Variants in ANGPTL6 observed in about 807,000 individuals in gnomAD.
ANGPTL6 encodes the protein angiopoietin-related protein 6.
Under a neutral mutation model 47.4 loss-of-function variants are expected in ANGPTL6, and 45 were observed. The ratio of observed to expected loss-of-function variants is 0.95; its 90% CI spans 0.75 to 1.22. ANGPTL6 has a LOEUF of 1.22. Among genes scored for constraint, ANGPTL6 ranks in the 50% most tolerant of loss-of-function variants. The probability of loss-of-function intolerance (pLI) is 0.00; values close to 1 mark genes in which losing one functional copy is unlikely to be tolerated. For missense variants in ANGPTL6, 698 were observed against 669.4 expected, an observed-to-expected ratio of 1.04 and a Z score of -0.47; for synonymous variants, 290 against 295.9, an observed-to-expected ratio of 0.98 and a Z score of 0.20.
intron 1 of ANGPTL6, among the ~76,000 whole-genome samples, chr19:10,101,140 C>T (rs1456546555): frequency 6.6e-6 from 1 of 152,046 alleles, no homozygotes; most frequent in South Asian, 2.1e-4. Context: ...ACCCGGAAGG[C>T]AGAGGTTGCA....
At chr19:10,092,965 G>A in intron 5 of ANGPTL6, 186 bp from the exon 6 acceptor site, 1 of 528,722 alleles carries the variant, frequency 1.9e-6, no homozygotes, top group East Asian at 3.0e-5. Context: ...CAGAGTAATA[G>A]CCTTAATTCC....
rs370458288 is a variant in ANGPTL6 at position 10,094,216 on chromosome 19, G to A, written c.764-336C>T. Among the ~76,000 whole-genome samples the A allele has an allele frequency of 1.1e-4, 17 of 151,726 alleles. No individual in the cohort carries two copies. In the South Asian group the frequency reaches 2.3e-3, roughly 20 times the overall value. ...GGCTGGAGTGCAGTGGTGCGATCTC[G>A]GCTCACTGCAACCTCATCCTCCCAG... On this transcript the variant is annotated intron_variant, in intron 3 of 5. Transcript: ENST00000253109.
In ANGPTL6 at chr19:10,092,392, C is replaced by T. The variant is rs568782736; in HGVS notation, c.*197G>A. ...GAGCTCAAACCGAGATATGAATGAC[C>T]TTGGGGAGCCATCTGAGGCCAAGAT... On this transcript the variant is annotated 3_prime_UTR_variant, in exon 6 of 6. Coordinates refer to ENST00000253109, the MANE Select transcript of ANGPTL6 (RefSeq NM_031917.3). The T allele has an allele frequency of 5.9e-6, 9 of 1,522,996 alleles. No individual in the cohort carries two copies. In the East Asian group the frequency reaches 2.2e-4, roughly 37 times the overall value. 94.3% of individuals were successfully genotyped at this position (1,522,996 alleles called of 1,614,324 possible). A position where few individuals can be genotyped will look rare whatever the true frequency, so the allele number is the denominator to read the frequency against.
chr19:10,092,363 A>G lies in ANGPTL6; in HGVS notation c.*226T>C. ...TGTGGCTACTTTGTGTTATTATAAG[A>G]TATGAGCTCAAACCGAGATATGAAT... is the stretch of plus-strand genomic sequence containing the variant. On this transcript the variant is annotated 3_prime_UTR_variant, in exon 6 of 6. Coordinates refer to ENST00000253109, the MANE Select transcript of ANGPTL6 (RefSeq NM_031917.3). The G allele has an allele frequency of 6.5e-7, 1 of 1,540,166 alleles. No individual in the cohort carries two copies.
chr19:10,099,576 C>CA (rs34627650), intron 1 of ANGPTL6, among the ~76,000 whole-genome samples: 4,529 of 53,162 alleles, frequency 0.085, 265 homozygotes, highest in Non-Finnish European at 0.12. Flanking sequence ...GACTCCATCT[C>CA]AAAAAAAAAA....
At position 10,093,793 on chromosome 19, in the gene ANGPTL6, G is replaced by C. The variant is rs201622589; in HGVS notation, c.851C>G (p.Ser284Ter). Residue 284 changes from serine to a stop codon, truncating the protein, a stop_gained, in exon 4 of 6, where the codon TCA becomes TGA. Coordinates refer to ENST00000253109, the MANE Select transcript of ANGPTL6 (RefSeq NM_031917.3). LOFTEE classifies it high-confidence loss of function. ...CTCCAGTTGCTGCTCACACCATACT[G>C]ACACTACGTGACGGCCCACTCGCAG... ...YELRVGRHVV[S>*]VWCEQQLEGG... The C allele has an allele frequency of 6.3e-4, 1,017 of 1,613,960 alleles. 1 individual carries two copies. The highest frequency in any genetic ancestry group is 7.6e-4 in the Non-Finnish European group (901 of 1,180,056).
chr19:10,095,126 G>A (rs1376018970), intron 2 of ANGPTL6, among the ~76,000 whole-genome samples, 188 bp from the exon 3 acceptor site: 2 of 152,250 alleles, frequency 1.3e-5, no homozygotes, highest in African/African-American at 4.8e-5. Flanking sequence ...AGTGCAGACA[G>A]GCTGGGCGCT....
At position 10,093,453 on chromosome 19, in the gene ANGPTL6, T is replaced by C. The variant is rs201228440; in HGVS notation, c.1118A>G (p.Tyr373Cys). Residue 373 changes from tyrosine to cysteine, a missense_variant, in exon 5 of 6, where the codon TAC becomes TGC. Coordinates refer to ENST00000253109, the MANE Select transcript of ANGPTL6 (RefSeq NM_031917.3). ...ATGGTACTGGCCAAGCCGCAGGCGG[T>C]AGTGGTCGCTCTCGGGTTCCAGGGA... Reference protein sequence around the residue: ...GFSLEPESDHYRLRLGQYHGD... With the variant: ...GFSLEPESDHCRLRLGQYHGD... 3.6e-5 allele frequency: 58 copies of C among 1,614,092 alleles called. No homozygotes were observed. The East Asian group carries it at 1.2e-3, about 35-fold the overall frequency.
At chr19:10,105,448 G>A (rs1421596972), upstream of ANGPTL6, among the ~76,000 whole-genome samples, 1 of 152,190 alleles carries the variant, frequency 6.6e-6, no homozygotes, top group Non-Finnish European at 1.5e-5. Context: ...GAGATGGGAA[G>A]ATGGGGAGAG....
Position 10,093,586 on chromosome 19 carries a change from G to A in ANGPTL6, c.985C>T (p.Leu329=). The stretch of plus-strand genomic sequence containing the variant: ...AGCTGATACACGGGTTCAAGGCCCA[G>A]CCAGTATTCTCCGTCTGGCCGCCCA... The part of the protein sequence containing the change: ...GFGRPDGEYW[L]GLEPVYQLTS... The change falls in exon 5 of 6, where the codon CTG becomes TTG. Residue 329 remains leucine, a synonymous_variant. Transcript: ENST00000253109. The A allele has an allele frequency of 1.9e-6, 3 of 1,613,846 alleles. No homozygotes were observed. Among genetic ancestry groups the A allele is most frequent in the Non-Finnish European group, 2.5e-6 (3 of 1,179,880 alleles).
At chr19:10,104,084 A>AG (rs954416538), upstream of ANGPTL6, among the ~76,000 whole-genome samples, 1 of 149,952 alleles carries the variant, frequency 6.7e-6, no homozygotes, top group African/African-American at 2.4e-5. Flanking sequence ...TCTGTCTCAA[A>AG]AAAAAAAAAA....
At chr19:10,106,104 A>T (rs1257298445), upstream of ANGPTL6, 1 of 554,132 alleles carries the variant, frequency 1.8e-6, no homozygotes, top group Non-Finnish European at 3.2e-6. Context: ...CGGAATGCAG[A>T]AAGTGGTTTT....
upstream of ANGPTL6, among the ~76,000 whole-genome samples, chr19:10,103,949 C>T (rs1023498758): frequency 7.3e-5 from 11 of 151,258 alleles, no homozygotes; most frequent in Non-Finnish European, 1.6e-4. Flanking sequence ...AAAAATTTGC[C>T]GGGTGTGGTG....
intron 1 of ANGPTL6, among the ~76,000 whole-genome samples, chr19:10,097,983 C>T (rs1175598641): frequency 2.1e-5 from 3 of 140,362 alleles, no homozygotes; most frequent in Admixed American, 7.5e-5. Flanking sequence ...GACTGGGCAA[C>T]GTATCCAGAC....
In ANGPTL6 at chr19:10,093,498, CGT is replaced by C; in HGVS notation, c.1071_1072del (p.Arg358CysfsTer4). 6.2e-7 allele frequency: 1 copy of C among 1,614,202 alleles called. No individual in the cohort carries two copies. Among genetic ancestry groups the C allele is most frequent in the East Asian group, 2.2e-5 (1 of 44,886 alleles). ...CAGGGAGAAGCCATCATAGTGGGCACGTGCTCCACGGCCCCCCCAGTCCTCCA... is the reference window on the plus strand; with the variant it reads ...CAGGGAGAAGCCATCATAGTGGGCACGCTCCACGGCCCCCCCAGTCCTCCA... On this transcript the variant is annotated frameshift_variant, in exon 5 of 6. Transcript: ENST00000253109. LOFTEE classifies it high-confidence loss of function.
chr19:10,106,109 G>C (rs1439525796), upstream of ANGPTL6: 1 of 561,868 alleles, frequency 1.8e-6, no homozygotes, highest in Admixed American at 3.5e-5. Flanking sequence ...TGCAGAAAGT[G>C]GTTTTAGCCC....
Position 10,092,755 on chromosome 19 carries a change from C to T in ANGPTL6, c.1247G>A (p.Gly416Glu). ...GGCACAGGCATGGTACCACCAGCCT[C>T]CCCGCTGGTACAGGGCACAGTTACC... Reference protein sequence around the residue: ...YSGNCALYQRGGWWYHACAHS... With the variant: ...YSGNCALYQREGWWYHACAHS... The change falls in exon 6 of 6, where the codon GGA becomes GAA. Residue 416 changes from glycine to glutamate, a missense_variant. By Grantham distance (98) the Gly-to-Glu change is moderately conservative. Transcript: ENST00000253109. 1.9e-6 allele frequency: 3 copies of T among 1,608,918 alleles called. No homozygotes were observed. In the East Asian group the frequency reaches 6.7e-5, roughly 36 times the overall value.
chr19:10,103,953 T>C (rs534649870), upstream of ANGPTL6, among the ~76,000 whole-genome samples: 18 of 150,462 alleles, frequency 1.2e-4, no homozygotes, highest in Non-Finnish European at 1.8e-4. Context: ...ATTTGCCGGG[T>C]GTGGTGGCCC....
intron 3 of ANGPTL6, 197 bp downstream of exon 3, chr19:10,094,561 C>T (rs896060606): frequency 4.4e-6 from 3 of 682,400 alleles, no homozygotes; most frequent in Non-Finnish European, 7.4e-6. Context: ...CCAAACATCG[C>T]CTCACTAAAG....
Sources: gnomAD v4.1 joint callset for allele counts (sites outside exome capture counted in the v4.1 genomes callset) on GRCh38, gnomAD v4.1.1 for gene constraint, MANE v1.5 for transcripts, NCBI Gene and HGNC (gene_info 2026-07-23, HGNC 2026-07-21) for gene names.